The following FBXW12 variants were observed in gnomAD, a reference collection of about 807,000 sequenced individuals.
The protein encoded by FBXW12 is F-box and WD repeat domain containing 12.
FBXW12 carries 43 observed loss-of-function variants against 55.3 expected under a neutral mutation model. The ratio of observed to expected loss-of-function variants is 0.78; its 90% CI spans 0.61 to 1.00. The LOEUF (loss-of-function observed/expected upper bound fraction) is 1.00, where lower values mean the gene tolerates loss of function less well. Among genes scored for constraint, FBXW12 ranks in the 50% least tolerant of loss-of-function variants. The probability of loss-of-function intolerance (pLI) is 0.00; values close to 1 mark genes in which losing one functional copy is unlikely to be tolerated. For synonymous variants in FBXW12, 184 were observed against 203.8 expected, an observed-to-expected ratio of 0.90 and a Z score of 0.83; for missense variants, 524 against 560.5, an observed-to-expected ratio of 0.93 and a Z score of 0.66.
intron 10 of FBXW12, among the ~76,000 whole-genome samples, chr3:48,391,192 G>A (rs2036921194): frequency 6.6e-6 from 1 of 151,198 alleles, no homozygotes; most frequent in Non-Finnish European, 1.5e-5. Flanking sequence ...GCTGAGATGT[G>A]AAGATCACTT....
chr3:48,393,703 C>T (rs956282925), intron 10 of FBXW12, among the ~76,000 whole-genome samples: 8 of 152,058 alleles, frequency 5.3e-5, no homozygotes, highest in Admixed American at 1.3e-4. Context: ...GCAGGCAGAT[C>T]GCTTGAGTGC....
intron 10 of FBXW12, among the ~76,000 whole-genome samples, chr3:48,393,927 C>A (rs1277519387): frequency 6.6e-6 from 1 of 151,492 alleles, no homozygotes; most frequent in African/African-American, 2.4e-5. Flanking sequence ...TACAGGCGTG[C>A]ACCACCACGC....
chr3:48,372,906 G>C, intron 2 of FBXW12, 49 bp downstream of exon 2: 1 of 1,549,902 alleles, frequency 6.5e-7, no homozygotes, highest in Non-Finnish European at 8.9e-7. Context: ...TGCTTCTCTC[G>C]ACCAGTTTGA....
At chr3:48,377,455 C>T (rs1261411778) in intron 5 of FBXW12, among the ~76,000 whole-genome samples, 1 of 152,168 alleles carries the variant, frequency 6.6e-6, no homozygotes, top group Non-Finnish European at 1.5e-5. Context: ...GTAGCCAACA[C>T]CAACTTACAC....
intron 10 of FBXW12, among the ~76,000 whole-genome samples, chr3:48,382,558 TAA>T (rs2036794296): frequency 6.6e-6 from 1 of 152,148 alleles, no homozygotes; most frequent in Non-Finnish European, 1.5e-5. Context: ...CAATAGATGT[TAA>T]GTCTTCCCAA....
At chr3:48,373,132 A>T (rs1575357094) in intron 2 of FBXW12, among the ~76,000 whole-genome samples, 176 bp from the exon 3 acceptor site, 1 of 152,180 alleles carries the variant, frequency 6.6e-6, no homozygotes, top group East Asian at 1.9e-4. Context: ...ATTAGCAGTG[A>T]TAGGTCTCTG....
chr3:48,388,319 A>G (rs2036874990), intron 10 of FBXW12, among the ~76,000 whole-genome samples: 2 of 152,150 alleles, frequency 1.3e-5, no homozygotes, highest in African/African-American at 4.8e-5. Context: ...GTTCTTTTCT[A>G]TCCTTTCTGA....
rs773290597 is a variant in FBXW12 at position 48,381,994 on chromosome 3, C to A, written c.1204C>A (p.His402Asn). The A allele has an allele frequency of 1.1e-5, 18 of 1,614,072 alleles. No homozygotes were observed. In the Admixed American group the frequency reaches 2.2e-4, roughly 19 times the overall value. ...GCTCACCACATCCGAGAACTCTGTG[C>A]ACGTGTACATGTGGGAAGAAGGAGG... is the stretch of plus-strand genomic sequence containing the variant. Reference protein sequence around the residue: ...YVLTTSENSVHVYMWEEGGRH... With the variant: ...YVLTTSENSVNVYMWEEGGRH... Residue 402 changes from histidine to asparagine, a missense_variant, in exon 10 of 11, where the codon CAC becomes AAC. By Grantham distance (68) the His-to-Asn change is moderately conservative. Coordinates refer to ENST00000296438, the MANE Select transcript of FBXW12 (RefSeq NM_207102.2).
At chr3:48,390,406 CTTT>C (rs71625870) in intron 10 of FBXW12, among the ~76,000 whole-genome samples, 66 of 57,934 alleles carry the variant, frequency 1.1e-3, no homozygotes, top group African/African-American at 4.7e-3. Context: ...AGGATTTCCT[CTTT>C]TTTTTTTTTT....
intron 10 of FBXW12, among the ~76,000 whole-genome samples, chr3:48,391,262 G>A (rs2106656430): frequency 6.6e-6 from 1 of 151,390 alleles, no homozygotes; most frequent in South Asian, 2.1e-4. Context: ...CAGACTGAGT[G>A]ACACAACAAG....
intron 5 of FBXW12, among the ~76,000 whole-genome samples, chr3:48,377,876 C>T (rs553786736): frequency 1.3e-5 from 2 of 152,232 alleles, no homozygotes; most frequent in South Asian, 2.1e-4. Context: ...GACAACTATT[C>T]TATCTTGTAT....
chr3:48,387,936 G>C (rs895672339), intron 10 of FBXW12, among the ~76,000 whole-genome samples: 1 of 152,088 alleles, frequency 6.6e-6, no homozygotes, highest in African/African-American at 2.4e-5. Context: ...AGCATTTGGT[G>C]TTCTAAATTC....
Position 48,394,642 on chromosome 3 carries a change from T to C in FBXW12, c.1378T>C (p.Tyr460His). The C allele has an allele frequency of 2.5e-6, 4 of 1,589,118 alleles. No homozygotes were observed. Among genetic ancestry groups the C allele is most frequent in the East Asian group, 2.2e-5 (1 of 44,662 alleles). ...AAGTGACTCCAGCATTCTGGTGATG[T>C]ATTCTTTGAATACGTAATATGGAAA... Reference protein sequence around the residue: ...KVSDSSILVMYSLNT With the variant: ...KVSDSSILVMHSLNT The change falls in exon 11 of 11, where the codon TAT (tyrosine) becomes CAT (histidine). Residue 460 changes from tyrosine to histidine, a missense_variant. By Grantham distance (83) the Tyr-to-His change is moderately conservative. Coordinates refer to ENST00000296438, the MANE Select transcript of FBXW12 (RefSeq NM_207102.2).
chr3:48,382,572 G>A (rs954275384), intron 10 of FBXW12, among the ~76,000 whole-genome samples: 1 of 152,008 alleles, frequency 6.6e-6, no homozygotes, highest in Non-Finnish European at 1.5e-5. Context: ...TCTTCCCAAA[G>A]TGGCTCTCAA....
chr3:48,379,256 C>T, intron 6 of FBXW12, 144 bp from the exon 7 acceptor site: 1 of 765,302 alleles, frequency 1.3e-6, no homozygotes. Context: ...AACAGTGTCT[C>T]AAGCTAGACT....
At position 48,381,752 on chromosome 3, in the gene FBXW12, G is replaced by T; in HGVS notation, c.1038G>T (p.Trp346Cys). Reference protein sequence around the residue: ...QVAAHLKCPIWMGASDGYMIV... With the variant: ...QVAAHLKCPICMGASDGYMIV... ...CAGCTCATCTGAAGTGCCCTATCTG[G>T]ATGGGAGCCAGTGATGGATATATGA... Residue 346 changes from tryptophan to cysteine, a missense_variant, in exon 9 of 11, where the codon TGG becomes TGT. Physicochemically the swap from Trp to Cys is radical, Grantham distance 215. Coordinates refer to ENST00000296438, the MANE Select transcript of FBXW12 (RefSeq NM_207102.2). 3 of 1,610,318 alleles carry T rather than the reference G, an allele frequency of 1.9e-6. No homozygotes were observed. Among genetic ancestry groups the T allele is most frequent in the Non-Finnish European group, 2.5e-6 (3 of 1,177,524 alleles).
In FBXW12 at chr3:48,373,624, T is replaced by G. The variant is rs377348963; in HGVS notation, c.205T>G (p.Phe69Val). The G allele has an allele frequency of 1.2e-6, 2 of 1,614,178 alleles. No individual in the cohort carries two copies. The highest frequency in any genetic ancestry group is 3.3e-5 in the Admixed American group (2 of 60,020). The change falls in exon 4 of 11, where the codon TTC (phenylalanine) becomes GTC (valine). Residue 69 changes from phenylalanine to valine, a missense_variant. Transcript: ENST00000296438. ...GGGCACACACACATGGAAGCAATTTTTCCTGCATCAAAGAAGGAAGGAGCT... is the reference window on the plus strand; with the variant it reads ...GGGCACACACACATGGAAGCAATTTGTCCTGCATCAAAGAAGGAAGGAGCT... ...HLGTHTWKQF[F>V]LHQRRKELRL...
At chr3:48,382,131 T>G (rs1409426586) in intron 10 of FBXW12, 46 bp downstream of exon 10, 1 of 1,606,566 alleles carries the variant, frequency 6.2e-7, no homozygotes, top group Non-Finnish European at 8.5e-7. Flanking sequence ...CAACTTTTTT[T>G]TTTTGAGACG....
chr3:48,394,615 G>A lies in FBXW12; in HGVS notation c.1351G>A (p.Val451Ile), dbSNP rs2036979533. ...NASIVLRVRK[V>I]SDSSILVMYS... ...AAGCATAGTACTTAGGGTGAGGAAA[G>A]TAAGTGACTCCAGCATTCTGGTGAT... Residue 451 changes from valine (V) to isoleucine (I), a missense_variant, in exon 11 of 11, where the codon GTA (valine) becomes ATA (isoleucine). Val to Ile is a conservative substitution (Grantham distance 29, BLOSUM62 3). Transcript: ENST00000296438. 2 of 1,607,792 alleles carry A rather than the reference G, an allele frequency of 1.2e-6. No homozygotes were observed. The highest frequency in any genetic ancestry group is 1.7e-6 in the Non-Finnish European group (2 of 1,176,796).
Sources: allele counts gnomAD v4.1 joint callset (sites outside exome capture counted in the v4.1 genomes callset), GRCh38; gene constraint gnomAD v4.1.1; transcripts MANE v1.5; gene names NCBI Gene and HGNC (gene_info 2026-07-23, HGNC 2026-07-21).